Variants in GALC observed in about 807,000 individuals in gnomAD.
GALC encodes galactosylceramidase.
In GALC, 77 loss-of-function variants were observed where a neutral mutation model predicts 91.8. The ratio of observed to expected loss-of-function variants is 0.84; its 90% CI spans 0.70 to 1.01. GALC has a LOEUF of 1.01. GALC is among the 50% of genes least tolerant of loss of function. The probability of loss-of-function intolerance (pLI) is 0.00; values close to 1 mark genes in which losing one functional copy is unlikely to be tolerated. For missense variants in GALC, 882 were observed against 855.9 expected, an observed-to-expected ratio of 1.03 and a Z score of -0.38; for synonymous variants, 357 against 306.7, an observed-to-expected ratio of 1.16 and a Z score of -1.71.
chr14:87,992,349 C>G (rs991106622), intron 1 of GALC: 40 of 1,535,586 alleles, frequency 2.6e-5, no homozygotes, highest in African/African-American at 4.1e-5. Flanking sequence ...AGGGAGTACC[C>G]GGTAGTTTCA....
intron 10 of GALC, among the ~76,000 whole-genome samples, chr14:87,961,408 T>C (rs1885795187): frequency 1.3e-5 from 2 of 152,116 alleles, no homozygotes; most frequent in African/African-American, 4.8e-5. Flanking sequence ...TGGTAGTTCC[T>C]CAAAATCCTA....
Position 87,941,520 on chromosome 14 carries a change from G to T in GALC, c.1709C>A (p.Thr570Asn), listed in dbSNP as rs540808138. The change falls in exon 15 of 17, where the codon ACC becomes AAC. Residue 570 changes from threonine (T) to asparagine (N), a missense_variant. Physicochemically the swap from Thr to Asn is moderately conservative, Grantham distance 65. Transcript: ENST00000261304. ...LTIKCDVYIE[T>N]PDTGGVFIAG... ...AATGAACACACCTCCTGTGTCAGGG[G>T]TCTCTATGTATACATCACACTTTAT... The T allele has an allele frequency of 3.8e-5, 60 of 1,594,934 alleles. No homozygotes were observed. The highest frequency in any genetic ancestry group is 4.2e-5 in the Non-Finnish European group (49 of 1,163,138).
Position 87,982,205 on chromosome 14 carries a change from C to A in GALC, c.621G>T (p.Lys207Asn). Residue 207 changes from lysine (K) to asparagine (N), a missense_variant and splice_region_variant, in exon 6 of 17, where the codon AAG becomes AAT. By Grantham distance (94) the Lys-to-Asn change is moderately conservative. Coordinates refer to ENST00000261304, the MANE Select transcript of GALC (RefSeq NM_000153.4). ...AAAAAGATACTAAAGTTGTACACAC[C>A]TTAATATAATTGGCATTATATGACC... The part of the protein sequence containing the change: ...NERSYNANYI[K>N]ILRKMLNYQG... 1.3e-6 allele frequency: 2 copies of A among 1,544,928 alleles called. No individual in the cohort carries two copies. The highest frequency in any genetic ancestry group is 2.2e-5 in the South Asian group (2 of 89,272).
intron 8 of GALC, among the ~76,000 whole-genome samples, chr14:87,967,422 C>T (rs772153936): frequency 6.6e-6 from 1 of 152,130 alleles, no homozygotes; most frequent in East Asian, 1.9e-4. Flanking sequence ...CCAAACTCTC[C>T]TAAGTGTCTT....
At chr14:87,943,466 C>T (rs976643167) in intron 14 of GALC, among the ~76,000 whole-genome samples, 7 of 151,998 alleles carry the variant, frequency 4.6e-5, no homozygotes, top group Non-Finnish European at 8.8e-5. Context: ...AATAGCACTA[C>T]AGATAAACTA....
chr14:87,988,198 C>A lies in GALC; in HGVS notation c.274G>T (p.Gly92Cys). 6.2e-7 allele frequency: 1 copy of A among 1,613,496 alleles called. No homozygotes were observed. The highest frequency in any genetic ancestry group is 8.5e-7 in the Non-Finnish European group (1 of 1,179,718). The change falls in exon 3 of 17, where the codon GGT becomes TGT. Residue 92 changes from glycine to cysteine, a missense_variant. Physicochemically the swap from Gly to Cys is radical, Grantham distance 159. Coordinates refer to ENST00000261304, the MANE Select transcript of GALC (RefSeq NM_000153.4). ...ACTTTTAAAATATGCAAAGAGGCAC[C>A]AAAATTCGGCTGTGAAAAGAAGTAA... is the stretch of plus-strand genomic sequence containing the variant. ...ILDYLFKPNF[G>C]ASLHILKVEI... is the part of the protein sequence containing the mutation.
rs996469886 is a variant in GALC at position 87,937,880 on chromosome 14, A to G, written c.1911+2025T>C. ...CAAATCTTAATAAATGGTGAAATAT[A>G]GCATGCTTTTGTTCCTGTGTTCTCT... On this transcript the variant is annotated intron_variant, in intron 16 of 16. Transcript: ENST00000261304. 4.6e-5 allele frequency among the ~76,000 whole-genome samples: 7 copies of G among 151,854 alleles called. 1 individual carries two copies. Among genetic ancestry groups the G allele is most frequent in the Admixed American group, 4.6e-4 (7 of 15,218 alleles).
chr14:87,949,956 T>A, intron 11 of GALC, 25 bp from the exon 12 acceptor site: 1 of 1,185,966 alleles, frequency 8.4e-7, no homozygotes, highest in Non-Finnish European at 1.3e-6. Flanking sequence ...CAAAAAAGCA[T>A]GGCTGAGTAA....
In GALC at chr14:87,945,670, G is replaced by A. The variant is rs747006038; in HGVS notation, c.1553C>T (p.Thr518Ile). 6.2e-7 allele frequency: 1 copy of A among 1,611,190 alleles called. No homozygotes were observed. Among genetic ancestry groups the A allele is most frequent in the South Asian group, 1.1e-5 (1 of 91,032 alleles). ...ADQTGVFEYF[T>I]NIEDPGEHHF... ...ATGCTCGCCAGGGTCTTCAATATTT[G>A]TAAAATATTCAAATACACCAGTTTG... The change falls in exon 14 of 17, where the codon ACA becomes ATA. Residue 518 changes from threonine to isoleucine, a missense_variant. Transcript: ENST00000261304.
intron 6 of GALC, among the ~76,000 whole-genome samples, chr14:87,977,119 C>T (rs1314066008): frequency 1.3e-5 from 2 of 151,404 alleles, no homozygotes; most frequent in Admixed American, 1.3e-4. Flanking sequence ...TCCAGGAAGT[C>T]TCCTATGCAG....
intron 14 of GALC, 38 bp from the exon 15 acceptor site, chr14:87,941,596 A>T: frequency 7.5e-7 from 1 of 1,339,748 alleles, no homozygotes; most frequent in Non-Finnish European, 1.1e-6. Context: ...TCTTTAAAAT[A>T]TGCCCTTTGT....
chr14:87,967,094 G>A (rs1886087667), intron 8 of GALC, among the ~76,000 whole-genome samples: 1 of 152,122 alleles, frequency 6.6e-6, no homozygotes, highest in Non-Finnish European at 1.5e-5. Context: ...GGGAAATGGT[G>A]CTTTATGTAA....
intron 11 of GALC, among the ~76,000 whole-genome samples, 190 bp from the exon 12 acceptor site, chr14:87,950,121 C>A (rs1380261088): frequency 6.6e-6 from 1 of 151,926 alleles, no homozygotes; most frequent in Non-Finnish European, 1.5e-5. Context: ...ACTTTATTCT[C>A]TAAACACTAA....
chr14:87,935,515 T>C (rs1003849067), intron 16 of GALC, among the ~76,000 whole-genome samples: 3 of 152,206 alleles, frequency 2.0e-5, no homozygotes, highest in Admixed American at 2.0e-4. Context: ...GAGGCATCTA[T>C]AAGGTGTGAC....
intron 10 of GALC, among the ~76,000 whole-genome samples, chr14:87,956,593 T>TATACACAC (rs140349038): frequency 7.2e-6 from 1 of 139,188 alleles, no homozygotes; most frequent in Non-Finnish European, 1.5e-5. Flanking sequence ...ACCATATATA[T>TATACACAC]ACACACACAC....
intron 15 of GALC, 54 bp downstream of exon 15, chr14:87,941,341 A>G (rs914540444): frequency 5.2e-6 from 6 of 1,146,066 alleles, no homozygotes; most frequent in Admixed American, 1.9e-5. Flanking sequence ...GTAGGTGCTC[A>G]AAGTAACATA....
chr14:87,988,393 G>A, intron 2 of GALC, 62 bp downstream of exon 2: 1 of 1,326,378 alleles, frequency 7.5e-7, no homozygotes, highest in Non-Finnish European at 1.1e-6. Flanking sequence ...ATTCTATGGT[G>A]AAATTCACCA....
chr14:87,955,262 T>C (rs1885480655), intron 10 of GALC: 2 of 816,562 alleles, frequency 2.4e-6, no homozygotes, highest in African/African-American at 3.4e-5. Context: ...ATTTGTCTTT[T>C]GAAGTAAATA....
chr14:87,955,184 G>C, intron 10 of GALC: 4 of 1,251,708 alleles, frequency 3.2e-6, no homozygotes, highest in Non-Finnish European at 4.7e-6. Context: ...GTAAAGCATG[G>C]AGCCGATGCC....
Sources: gnomAD v4.1 joint callset for allele counts (sites outside exome capture counted in the v4.1 genomes callset) on GRCh38, gnomAD v4.1.1 for gene constraint, MANE v1.5 for transcripts, NCBI Gene and HGNC (gene_info 2026-07-23, HGNC 2026-07-21) for gene names.